Variants in NCKAP5 observed in about 807,000 individuals in gnomAD.
NCKAP5 encodes the protein NCK associated protein 5, also known as nck-associated protein 5.
NCKAP5 carries 92 observed loss-of-function variants against 167.0 expected under a neutral mutation model. The ratio of observed to expected loss-of-function variants is 0.55; its 90% CI spans 0.47 to 0.66. NCKAP5 has a LOEUF of 0.66. Ranked by LOEUF, NCKAP5 falls within the 30% of genes least tolerant of loss-of-function variation. The pLI, the probability that NCKAP5 is intolerant of heterozygous loss-of-function variation, is 0.00. For missense variants in NCKAP5, 2,378 were observed against 2,315.0 expected (o/e 1.03, Z -0.56); for synonymous variants, 891 against 877.4 (o/e 1.02, Z -0.27).
At chr2:133,315,883 G>T (rs868780292) in intron 3 of NCKAP5, among the ~76,000 whole-genome samples, 1 of 152,088 alleles carries the variant, frequency 6.6e-6, no homozygotes, top group African/African-American at 2.4e-5. Flanking sequence ...TTATGCCAAG[G>T]GTAGGGAGAA....
chr2:133,365,677 AAG>A (rs1400376565), intron 3 of NCKAP5, among the ~76,000 whole-genome samples: 9 of 152,210 alleles, frequency 5.9e-5, no homozygotes, highest in Admixed American at 1.3e-4. Flanking sequence ...GTTGAATACA[AAG>A]AGAGTTTGCT....
intron 3 of NCKAP5, among the ~76,000 whole-genome samples, chr2:133,488,422 T>G (rs1202962627): frequency 6.6e-6 from 1 of 152,188 alleles, no homozygotes; most frequent in Non-Finnish European, 1.5e-5. Flanking sequence ...AAATCCCTAA[T>G]GTAGACCAAT....
At chr2:133,174,717 T>TTC (rs1553563125) in intron 5 of NCKAP5, among the ~76,000 whole-genome samples, 126 of 138,052 alleles carry the variant, frequency 9.1e-4, no homozygotes, top group African/African-American at 2.6e-3. Context: ...TTTTTTTTTC[T>TTC]CCCCCCTGCT....
intron 2 of NCKAP5, among the ~76,000 whole-genome samples, chr2:133,548,370 A>C (rs1686942762): frequency 6.6e-6 from 1 of 152,078 alleles, no homozygotes; most frequent in African/African-American, 2.4e-5. Flanking sequence ...TTCAGGAAAT[A>C]CAGAGAATGC....
the NCKAP5 span, among the ~76,000 whole-genome samples, chr2:133,608,813 G>A: frequency 6.6e-6 from 1 of 152,036 alleles, no homozygotes; most frequent in Non-Finnish European, 1.5e-5. Flanking sequence ...CAGATTATTG[G>A]TTTCCCATTA....
intron 4 of NCKAP5, among the ~76,000 whole-genome samples, chr2:133,219,498 A>G (rs1336666108): frequency 6.6e-6 from 1 of 152,252 alleles, no homozygotes; most frequent in Non-Finnish European, 1.5e-5. Flanking sequence ...CCATGGAGTC[A>G]GTGGGCAAAG....
chr2:133,321,369 C>A (rs886646015), intron 3 of NCKAP5, among the ~76,000 whole-genome samples: 3 of 152,134 alleles, frequency 2.0e-5, no homozygotes, highest in African/African-American at 7.2e-5. Flanking sequence ...CCAGGTTTTA[C>A]CTAAAAATAC....
At chr2:132,726,297 T>G (rs540838394) in intron 18 of NCKAP5, among the ~76,000 whole-genome samples, 2 of 152,240 alleles carry the variant, frequency 1.3e-5, no homozygotes, top group Non-Finnish European at 2.9e-5. Flanking sequence ...GCTGACTCCA[T>G]GTAATCCTCA....
At chr2:133,511,267 C>T (rs904044848) in intron 3 of NCKAP5, among the ~76,000 whole-genome samples, 5 of 152,182 alleles carry the variant, frequency 3.3e-5, no homozygotes, top group Non-Finnish European at 5.9e-5. Flanking sequence ...TCTTTTGGGG[C>T]TCCCTCAAGA....
intron 8 of NCKAP5, among the ~76,000 whole-genome samples, chr2:132,941,625 C>T (rs540019316): frequency 5.3e-5 from 8 of 152,144 alleles, no homozygotes; most frequent in African/African-American, 1.9e-4. Flanking sequence ...AAGATGATTC[C>T]TGGTCTCATG....
intron 19 of NCKAP5, among the ~76,000 whole-genome samples, chr2:132,687,746 C>T (rs1035596363): frequency 1.3e-5 from 2 of 151,028 alleles, no homozygotes; most frequent in Non-Finnish European, 2.9e-5. Flanking sequence ...CACACACACA[C>T]ACACACACAC....
intron 3 of NCKAP5, among the ~76,000 whole-genome samples, chr2:133,475,344 A>T (rs79005125): frequency 0.031 from 4,767 of 152,308 alleles, 103 homozygotes; most frequent in Admixed American, 0.072. Flanking sequence ...ACACACATGC[A>T]CAAGCTTAGT....
intron 5 of NCKAP5, among the ~76,000 whole-genome samples, chr2:133,196,371 A>C (rs902420112): frequency 6.6e-6 from 1 of 152,134 alleles, no homozygotes. Context: ...AGAGAGAATT[A>C]CCCTCAGGAG....
At chr2:133,326,635 A>G (rs1318351250) in intron 3 of NCKAP5, among the ~76,000 whole-genome samples, 1 of 146,048 alleles carries the variant, frequency 6.8e-6, no homozygotes, top group Non-Finnish European at 1.5e-5. Context: ...GGAATTCTGG[A>G]CATTATGGTT....
chr2:132,693,280 A>G (rs1686964789), intron 19 of NCKAP5, among the ~76,000 whole-genome samples: 1 of 152,204 alleles, frequency 6.6e-6, no homozygotes, highest in South Asian at 2.1e-4. Flanking sequence ...TAGGTTTTTT[A>G]GATTTTATTG....
rs543699436 is a variant in NCKAP5 at position 132,877,062 on chromosome 2, G to A, written c.648+1786C>T. ...TGAAACTTTGCTAATCAATACATAT[G>A]ACCCAAAGGCATGGTATGTTCCTTT... On this transcript the variant is annotated intron_variant, in intron 9 of 19. Transcript: ENST00000409261. 3.3e-5 allele frequency among the ~76,000 whole-genome samples: 5 copies of A among 152,274 alleles called. No individual in the cohort carries two copies. The East Asian group carries it at 5.8e-4, about 18-fold the overall frequency.
intron 12 of NCKAP5, among the ~76,000 whole-genome samples, chr2:132,793,577 G>A (rs780896225): frequency 1.3e-5 from 2 of 152,160 alleles, no homozygotes; most frequent in African/African-American, 2.4e-5. Context: ...CATGCTTTGC[G>A]CAGCAAGCCT....
intron 6 of NCKAP5, among the ~76,000 whole-genome samples, chr2:133,041,372 A>C (rs2079213294): frequency 6.6e-6 from 1 of 152,190 alleles, no homozygotes; most frequent in Non-Finnish European, 1.5e-5. Context: ...TGACTACTTC[A>C]GTTAGAATTC....
At chr2:132,866,083 C>A (rs1558875055) in intron 10 of NCKAP5, among the ~76,000 whole-genome samples, 1 of 152,204 alleles carries the variant, frequency 6.6e-6, no homozygotes. Context: ...TTCTACCATA[C>A]CCAGCTTTAT....
Sources: allele counts gnomAD v4.1 joint callset (sites outside exome capture counted in the v4.1 genomes callset), GRCh38; gene constraint gnomAD v4.1.1; transcripts MANE v1.5; gene names NCBI Gene and HGNC (gene_info 2026-07-23, HGNC 2026-07-21).